Variants in DNAJB13 observed in about 807,000 individuals in gnomAD.
DNAJB13 encodes DnaJ heat shock protein family (Hsp40) member B13, also known as dnaJ homolog subfamily B member 13.
A neutral mutation model predicts 35.6 loss-of-function variants in DNAJB13; 22 were observed. That is an observed-to-expected ratio of 0.62 (90% CI 0.44 to 0.88). The LOEUF (loss-of-function observed/expected upper bound fraction) is 0.88, where lower values mean the gene tolerates loss of function less well. Among genes scored for constraint, DNAJB13 ranks in the 40% least tolerant of loss-of-function variants. DNAJB13 has a pLI of 0.00. For missense variants in DNAJB13, 370 were observed against 384.3 expected (o/e 0.96, Z 0.31); for synonymous variants, 136 against 144.2 (o/e 0.94, Z 0.41).
intron 5 of DNAJB13, chr11:73,968,044 G>C: frequency 2.0e-6 from 1 of 496,088 alleles, no homozygotes; most frequent in Non-Finnish European, 3.5e-6. Context: ...GCAGTTGCCT[G>C]ACGCCCAGCT....
intron 3 of DNAJB13, among the ~76,000 whole-genome samples, chr11:73,962,176 C>T (rs1950949284): frequency 6.6e-6 from 1 of 152,032 alleles, no homozygotes; most frequent in African/African-American, 2.4e-5. Flanking sequence ...GGGAAGATAC[C>T]TCTTGTCTCT....
At chr11:73,969,416 A>C (rs1173336132) in intron 7 of DNAJB13, 94 bp downstream of exon 7, 8 of 774,406 alleles carry the variant, frequency 1.0e-5, no homozygotes, top group Non-Finnish European at 1.6e-5. Context: ...AGAGTTGTAC[A>C]GGCTGCCCCC....
intron 1 of DNAJB13, among the ~76,000 whole-genome samples, chr11:73,955,654 C>T (rs1399681959): frequency 6.6e-6 from 1 of 152,052 alleles, no homozygotes; most frequent in Non-Finnish European, 1.5e-5. Flanking sequence ...CGGCAAAAAC[C>T]CGTCTCTACT....
intron 1 of DNAJB13, among the ~76,000 whole-genome samples, chr11:73,958,073 C>A (rs1243636272): frequency 1.3e-5 from 2 of 152,198 alleles, no homozygotes; most frequent in Admixed American, 1.3e-4. Context: ...TTGAGGGCAG[C>A]TCAGGGGCAG....
chr11:73,961,893 G>A (rs752081281), intron 3 of DNAJB13, among the ~76,000 whole-genome samples: 4 of 152,160 alleles, frequency 2.6e-5, no homozygotes, highest in Non-Finnish European at 2.9e-5. Context: ...GGGTTCAAGC[G>A]ATTCTCCTGC....
At chr11:73,953,918 G>GT (rs769164605) in intron 1 of DNAJB13, among the ~76,000 whole-genome samples, 10 of 151,038 alleles carry the variant, frequency 6.6e-5, no homozygotes, top group South Asian at 4.2e-4. Context: ...AACCCGGGAG[G>GT]TGGAGCTTAC....
chr11:73,953,321 C>T (rs914880417), intron 1 of DNAJB13, among the ~76,000 whole-genome samples: 6 of 152,062 alleles, frequency 3.9e-5, no homozygotes, highest in South Asian at 4.2e-4. Context: ...GTCAGGAGAT[C>T]GAGACTGTAG....
At chr11:73,958,168 G>A in intron 1 of DNAJB13, 149 bp from the exon 2 acceptor site, 12 of 724,190 alleles carry the variant, frequency 1.7e-5, no homozygotes, top group South Asian at 3.4e-5. Context: ...TTCAAGAGCT[G>A]AGCAGTGCAC....
At chr11:73,966,359 C>A in intron 5 of DNAJB13, 108 bp downstream of exon 5, 1 of 1,054,222 alleles carries the variant, frequency 9.5e-7, no homozygotes, top group Non-Finnish European at 1.4e-6. Context: ...CCCCTGTGAG[C>A]CTTGGTCTGT....
intron 4 of DNAJB13, 54 bp downstream of exon 4, chr11:73,965,089 G>A (rs750707034): frequency 4.0e-6 from 6 of 1,517,076 alleles, no homozygotes; most frequent in Non-Finnish European, 4.4e-6. Flanking sequence ...CAGCCTAGCA[G>A]CTGCCTCCTC....
At position 73,968,453 on chromosome 11, in the gene DNAJB13, G is replaced by A; in HGVS notation, c.715G>A (p.Gly239Ser). 1 of 1,613,414 alleles carries A rather than the reference G, an allele frequency of 6.2e-7. No individual in the cohort carries two copies. The highest frequency in any genetic ancestry group is 8.5e-7 in the Non-Finnish European group (1 of 1,179,506). The part of the protein sequence containing the change: ...NLFFVNPIPL[G>S]KALTCCTVEV... ...CTTCTTCGTGAACCCCATCCCTCTT[G>A]GCAAGGTGAGTGGGCAAAGTGCAGG... Residue 239 changes from glycine (G) to serine (S), a missense_variant, in exon 6 of 8, where the codon GGC (glycine) becomes AGC (serine). By Grantham distance (56) the Gly-to-Ser change is moderately conservative (BLOSUM62 0). Transcript: ENST00000339764.
chr11:73,954,098 G>A (rs1308539925), intron 1 of DNAJB13, among the ~76,000 whole-genome samples: 9 of 151,034 alleles, frequency 6.0e-5, no homozygotes, highest in African/African-American at 2.2e-4. Context: ...GCTGAGGCAG[G>A]TGGACCACTT....
In DNAJB13 at chr11:73,965,112, G is replaced by A. The variant is rs147999002; in HGVS notation, c.492+77G>A. ...CAGCTGCCTCCTCCCTTACCTGGGTGGGAGGACTCAGGGATGGTCTCTGAT... is the reference window on the plus strand; with the variant it reads ...CAGCTGCCTCCTCCCTTACCTGGGTAGGAGGACTCAGGGATGGTCTCTGAT... On this transcript the variant is annotated intron_variant, in intron 4 of 7. Coordinates refer to ENST00000339764, the MANE Select transcript of DNAJB13 (RefSeq NM_153614.4). 1,010 of 1,462,196 alleles carry A rather than the reference G, an allele frequency of 6.9e-4. 12 individuals carry two copies. In the African/African-American group the frequency reaches 0.013, roughly 19 times the overall value. 90.6% of individuals were successfully genotyped at this position (1,462,196 alleles called of 1,614,324 possible). A position where few individuals can be genotyped will look rare whatever the true frequency, so the allele number is the denominator to read the frequency against.
At chr11:73,965,804 G>A (rs1434870925) in intron 4 of DNAJB13, 1 of 255,184 alleles carries the variant, frequency 3.9e-6, no homozygotes, top group Non-Finnish European at 7.7e-6. Flanking sequence ...GTATCTGTTA[G>A]TGGCCAGGGC....
intron 3 of DNAJB13, chr11:73,964,431 G>C (rs1354284622): frequency 4.9e-6 from 1 of 205,310 alleles, no homozygotes; most frequent in African/African-American, 2.4e-5. Context: ...GAAGAGTAGA[G>C]AGGACTGGCA....
intron 1 of DNAJB13, 72 bp from the exon 2 acceptor site, chr11:73,958,238 AGAGTGCC>A (rs1333070772): frequency 6.9e-7 from 1 of 1,440,400 alleles, no homozygotes; most frequent in East Asian, 2.3e-5. Context: ...AGGAGTGAAC[AGAGTGCC>A]GGCTCTGAAC....
intron 1 of DNAJB13, among the ~76,000 whole-genome samples, chr11:73,955,307 C>CT (rs570240877): frequency 0.045 from 6,090 of 134,768 alleles, 184 homozygotes; most frequent in Middle Eastern, 0.12. Flanking sequence ...AACCTTGTTA[C>CT]TTTTTTTTTT....
intron 5 of DNAJB13, among the ~76,000 whole-genome samples, chr11:73,967,219 TC>T (rs1209838048): frequency 3.3e-5 from 5 of 152,180 alleles, no homozygotes; most frequent in African/African-American, 9.7e-5. Flanking sequence ...GGCCTCGAAA[TC>T]CTGACCTCAG....
intron 1 of DNAJB13, among the ~76,000 whole-genome samples, chr11:73,957,569 G>A (rs1286195180): frequency 6.6e-6 from 1 of 152,184 alleles, no homozygotes; most frequent in Non-Finnish European, 1.5e-5. Flanking sequence ...CCTCCTCCAG[G>A]TGCCGCAGAC....
Sources: gnomAD v4.1 joint callset for allele counts (sites outside exome capture counted in the v4.1 genomes callset) on GRCh38, gnomAD v4.1.1 for gene constraint, MANE v1.5 for transcripts, NCBI Gene and HGNC (gene_info 2026-07-23, HGNC 2026-07-21) for gene names.